The following PYROXD1 variants were observed in gnomAD, a reference collection of about 807,000 sequenced individuals.
The protein encoded by PYROXD1 is pyridine nucleotide-disulphide oxidoreductase domain 1, also known as tRNA ligase complex-associated NAD(P)H dehydrogenase PYROXD1.
A neutral mutation model predicts 62.0 loss-of-function variants in PYROXD1; 42 were observed. The ratio of observed to expected loss-of-function variants is 0.68; its 90% CI spans 0.53 to 0.88. The LOEUF is 0.88. PYROXD1 is among the 40% of genes least tolerant of loss of function. PYROXD1 has a pLI of 0.00. For synonymous variants in PYROXD1, 170 were observed against 206.4 expected, an observed-to-expected ratio of 0.82 and a Z score of 1.51; for missense variants, 493 against 604.8, an observed-to-expected ratio of 0.82 and a Z score of 1.94.
At chr12:21,459,208 G>C (rs1942651209) in intron 7 of PYROXD1, among the ~76,000 whole-genome samples, 1 of 152,158 alleles carries the variant, frequency 6.6e-6, no homozygotes, top group African/African-American at 2.4e-5. Context: ...CCTACAGGAA[G>C]GGAAAGAGGT....
intron 10 of PYROXD1, among the ~76,000 whole-genome samples, chr12:21,463,664 C>T (rs11046073): frequency 0.49 from 72,916 of 148,588 alleles, 17,955 homozygotes; most frequent in Middle Eastern, 0.58. Flanking sequence ...TGCACCCCAG[C>T]CTGGGCAACA....
rs1158076073 is a variant in PYROXD1 at position 21,467,577 on chromosome 12, T to C, written c.1213T>C (p.Phe405Leu). 6 of 1,612,176 alleles carry C rather than the reference T, an allele frequency of 3.7e-6. No individual in the cohort carries two copies. Among genetic ancestry groups the C allele is most frequent in the Non-Finnish European group, 5.1e-6 (6 of 1,179,072 alleles). Residue 405 changes from phenylalanine to leucine, a missense_variant, in exon 11 of 12, where the codon TTT becomes CTT. Physicochemically the swap from Phe to Leu is conservative, Grantham distance 22 (BLOSUM62 0). Coordinates refer to ENST00000240651, the MANE Select transcript of PYROXD1 (RefSeq NM_024854.5). The stretch of plus-strand genomic sequence containing the variant: ...AGACTCTATTGACATGGATTTCAGC[T>C]TTGAACTGTTTGCTCATGTGACAAA... ...SGDSIDMDFS[F>L]ELFAHVTKFF...
chr12:21,457,426 A>C (rs1942617925), intron 7 of PYROXD1, among the ~76,000 whole-genome samples: 2 of 134,980 alleles, frequency 1.5e-5, no homozygotes, highest in African/African-American at 5.6e-5. Context: ...AGTATTTTGA[A>C]ATGAATCTTT....
chr12:21,467,365 A>T, intron 10 of PYROXD1, 116 bp from the exon 11 acceptor site: 1 of 933,872 alleles, frequency 1.1e-6, no homozygotes, highest in Non-Finnish European at 1.6e-6. Context: ...TTCTGTGGCA[A>T]AGATGACAGA....
rs1003923550 is a variant in PYROXD1 at position 21,444,024 on chromosome 12, C to A, written c.166-1323C>A. Among the ~76,000 whole-genome samples, 14 of 152,100 alleles carry A rather than the reference C, an allele frequency of 9.2e-5. No homozygotes were observed. The South Asian group carries it at 1.9e-3, about 20-fold the overall frequency. ...GTCTCATAAGTATCTTTCCAGAAGA[C>A]CTAATTCAGTATAATAATCCAAGAG... On this transcript the variant is annotated intron_variant, in intron 2 of 11. Coordinates refer to ENST00000240651, the MANE Select transcript of PYROXD1 (RefSeq NM_024854.5).
In PYROXD1 at chr12:21,469,276, C is replaced by T. The variant is rs1942866621; in HGVS notation, c.*522C>T. On this transcript the variant is annotated 3_prime_UTR_variant, in exon 12 of 12. Coordinates refer to ENST00000240651, the MANE Select transcript of PYROXD1 (RefSeq NM_024854.5). ...AACCTGAAATCATCTACAAGCTTGT[C>T]CAACTCTAGCCCACGGGTCTAATGC... The T allele has an allele frequency of 1.3e-5, 2 of 154,870 alleles. No individual in the cohort carries two copies. The highest frequency in any genetic ancestry group is 1.3e-4 in the Admixed American group (2 of 15,614). The allele number at this position is 154,870 out of a possible 1,614,324, so 9.6% of individuals were successfully genotyped here. A position where few individuals can be genotyped will look rare whatever the true frequency, so the allele number is the denominator to read the frequency against.
chr12:21,464,500 ATAT>A (rs1334345568), intron 10 of PYROXD1, among the ~76,000 whole-genome samples: 2 of 152,078 alleles, frequency 1.3e-5, no homozygotes, highest in African/African-American at 4.8e-5. Context: ...TATGATTATG[ATAT>A]TATTTCTGCA....
intron 8 of PYROXD1, 129 bp from the exon 9 acceptor site, chr12:21,461,879 T>C (rs1307032164): frequency 2.0e-6 from 1 of 499,624 alleles, no homozygotes; most frequent in East Asian, 2.9e-5. Context: ...TGCTAAGGAG[T>C]GTGTTACAAA....
chr12:21,440,775 C>T (rs534065984), intron 2 of PYROXD1, among the ~76,000 whole-genome samples: 2 of 152,070 alleles, frequency 1.3e-5, no homozygotes, highest in African/African-American at 4.8e-5. Flanking sequence ...CAGCTTTTCT[C>T]CATTCAATAT....
At chr12:21,441,333 T>A (rs1942290278) in intron 2 of PYROXD1, 1 of 152,240 alleles carries the variant, frequency 6.6e-6, no homozygotes, top group African/African-American at 2.4e-5. Flanking sequence ...TGGAAAGTTT[T>A]CTGTTGTTAT....
intron 11 of PYROXD1, 58 bp downstream of exon 11, chr12:21,467,676 A>C (rs1942826827): frequency 2.4e-6 from 3 of 1,272,680 alleles, no homozygotes; most frequent in Non-Finnish European, 3.3e-6. Context: ...GACTATGATA[A>C]ATCATGTGAT....
chr12:21,454,805 CT>C (rs1263000606), intron 5 of PYROXD1: 10 of 163,724 alleles, frequency 6.1e-5, no homozygotes, highest in Non-Finnish European at 1.3e-4. Flanking sequence ...CTGCTTACCC[CT>C]GGGGGCCATT....
At chr12:21,462,328 CAGTAATGGTTTATA>C (rs2137282397) in intron 9 of PYROXD1, among the ~76,000 whole-genome samples, 1 of 152,202 alleles carries the variant, frequency 6.6e-6, no homozygotes, top group Admixed American at 6.5e-5. Context: ...TAAGCGTCAT[CAGTAATGGTTTATA>C]ATGTACAATT....
chr12:21,445,556 C>G (rs1387597730), intron 3 of PYROXD1, 90 bp downstream of exon 3: 3 of 1,277,982 alleles, frequency 2.3e-6, no homozygotes, highest in Non-Finnish European at 2.1e-6. Flanking sequence ...CTACTACCAC[C>G]ACCATTTAAG....
At chr12:21,455,923 A>AT in intron 6 of PYROXD1, 72 bp from the exon 7 acceptor site, 7 of 913,536 alleles carry the variant, frequency 7.7e-6, no homozygotes, top group Non-Finnish European at 1.2e-5. Flanking sequence ...CATTGCCTAA[A>AT]TAAAAAACTT....
chr12:21,468,728 A>T lies in PYROXD1; in HGVS notation c.1477A>T (p.Ile493Phe). ...SYGEDLLDPNIDIEDYFD is the reference protein window; with the variant it reads ...SYGEDLLDPNFDIEDYFD Reference sequence around the variant, plus strand: ...TGGAGAAGATCTGCTAGATCCAAATATTGATATAGAAGATTATTTTGACTA... The same window carrying T: ...TGGAGAAGATCTGCTAGATCCAAATTTTGATATAGAAGATTATTTTGACTA... Residue 493 changes from isoleucine (I) to phenylalanine (F), a missense_variant, in exon 12 of 12, where the codon ATT (isoleucine) becomes TTT (phenylalanine). By Grantham distance (21) the Ile-to-Phe change is conservative. Transcript: ENST00000240651. 1 of 1,608,128 alleles carries T rather than the reference A, an allele frequency of 6.2e-7. No homozygotes were observed. Among genetic ancestry groups the T allele is most frequent in the Non-Finnish European group, 8.5e-7 (1 of 1,176,158 alleles).
At position 21,470,205 on chromosome 12, in the gene PYROXD1, C is replaced by T. The variant is rs762901544; in HGVS notation, c.*1451C>T. On this transcript the variant is annotated 3_prime_UTR_variant, in exon 12 of 12. Coordinates refer to ENST00000240651, the MANE Select transcript of PYROXD1 (RefSeq NM_024854.5). ...TAGTAACATTCATATCAGGCATCAT[C>T]GATTTTTCTTTTCTTAGCTCCTGTA... 46 of 1,611,522 alleles carry T rather than the reference C, an allele frequency of 2.9e-5. No individual in the cohort carries two copies. The East Asian group carries it at 9.6e-4, about 34-fold the overall frequency.
Position 21,470,918 on chromosome 12 carries a change from C to G in PYROXD1, c.*2164C>G, listed in dbSNP as rs779659188. 4.6e-6 allele frequency: 6 copies of G among 1,297,838 alleles called. No homozygotes were observed. The African/African-American group carries it at 9.4e-5, about 20-fold the overall frequency. 80.4% of individuals were successfully genotyped at this position (1,297,838 alleles called of 1,614,324 possible). On this transcript the variant is annotated 3_prime_UTR_variant, in exon 12 of 12. Coordinates refer to ENST00000240651, the MANE Select transcript of PYROXD1 (RefSeq NM_024854.5). Reference sequence around the variant, plus strand: ...ATATGACAGAAAAGCATCCCATAGGCTTTAATATACTTTTTAAAATATATA... The same window carrying G: ...ATATGACAGAAAAGCATCCCATAGGGTTTAATATACTTTTTAAAATATATA...
intron 10 of PYROXD1, among the ~76,000 whole-genome samples, chr12:21,464,591 T>C (rs1357421984): frequency 6.6e-6 from 1 of 152,158 alleles, no homozygotes; most frequent in Non-Finnish European, 1.5e-5. Flanking sequence ...CGCTAACCTG[T>C]TTAATTCTCT....
Sources: allele counts gnomAD v4.1 joint callset (sites outside exome capture counted in the v4.1 genomes callset), GRCh38; gene constraint gnomAD v4.1.1; transcripts MANE v1.5; gene names NCBI Gene and HGNC (gene_info 2026-07-23, HGNC 2026-07-21).